CLTA: variants seen among roughly 807,000 people sequenced by gnomAD.
CLTA encodes clathrin light chain A, also known as clathrin, light polypeptide (Lca).
Under a neutral mutation model 26.9 loss-of-function variants are expected in CLTA, and 9 were observed. That is an observed-to-expected ratio of 0.33 (90% CI 0.20 to 0.58). CLTA has a LOEUF of 0.58. CLTA is among the 20% of genes least tolerant of loss of function. The probability of loss-of-function intolerance (pLI) is 0.85; values close to 1 mark genes in which losing one functional copy is unlikely to be tolerated. For synonymous variants in CLTA, 120 were observed against 115.5 expected (o/e 1.04, Z -0.25); for missense variants, 278 against 294.2 (o/e 0.94, Z 0.40).
At chr9:36,196,322 C>CT (rs917289732) in intron 1 of CLTA, among the ~76,000 whole-genome samples, 5 of 149,610 alleles carry the variant, frequency 3.3e-5, no homozygotes, top group African/African-American at 9.9e-5. Context: ...CCAGCAATTC[C>CT]TTTTTTTTCT....
rs1227497767 is a variant in CLTA, at chr9:36,199,115, G to A, written c.373+19G>A. The A allele has an allele frequency of 4.0e-6, 6 of 1,517,472 alleles. No individual in the cohort carries two copies. The highest frequency in any genetic ancestry group is 2.7e-5 in the African/African-American group (2 of 72,948). The allele number at this position is 1,517,472 out of a possible 1,614,324, so 94.0% of individuals were successfully genotyped here. A position where few individuals can be genotyped will look rare whatever the true frequency, so the allele number is the denominator to read the frequency against. ...GCCCTTGGTAAGGAATCCCTTCTGT[G>A]TTTTGGTGTCTGTTTTCAGTGGAGT... On this transcript the variant is annotated intron_variant, in intron 3 of 4. Transcript: ENST00000345519.
chr9:36,192,123 T>C (rs1260585151), intron 1 of CLTA, among the ~76,000 whole-genome samples: 1 of 152,064 alleles, frequency 6.6e-6, no homozygotes, highest in Non-Finnish European at 1.5e-5. Flanking sequence ...TACAAAGAAG[T>C]AGGAAATTTA....
rs1554650954 is a variant in CLTA at position 36,196,287 on chromosome 9, A to AAAAAAAT, written c.218-1260_218-1259insAATAAAA. 4.0e-5 allele frequency among the ~76,000 whole-genome samples: 6 copies of AAAAAAAT among 149,618 alleles called. No homozygotes were observed. In the South Asian group the frequency reaches 1.3e-3, roughly 31 times the overall value. ...AACAGAGCAAGACTCTCTCTCAAAA[A>AAAAAAAT]AAAATAAAATACATATCCTGTGATC... On this transcript the variant is annotated intron_variant, in intron 1 of 4. Transcript: ENST00000345519.
At chr9:36,211,463 G>C in intron 4 of CLTA, 140 bp from the exon 5 acceptor site, 6 of 1,145,794 alleles carry the variant, frequency 5.2e-6, no homozygotes, top group Non-Finnish European at 7.4e-6. Flanking sequence ...AGTCTGACCT[G>C]GGCCAGGGGC....
chr9:36,190,968 G>C lies in CLTA; in HGVS notation c.-89G>C. ...GGCGCTTGTCCTCCTCTCCCAGTCGGCACCACAGCGGTGGCTGCCGGGCGT... is the reference window on the plus strand; with the variant it reads ...GGCGCTTGTCCTCCTCTCCCAGTCGCCACCACAGCGGTGGCTGCCGGGCGT... On this transcript the variant is annotated 5_prime_UTR_variant, in exon 1 of 5. Transcript: ENST00000345519. 1 of 1,452,160 alleles carries C rather than the reference G, an allele frequency of 6.9e-7. No individual in the cohort carries two copies. The highest frequency in any genetic ancestry group is 9.0e-7 in the Non-Finnish European group (1 of 1,112,214). The allele number at this position is 1,452,160 out of a possible 1,614,324, so 90.0% of individuals were successfully genotyped here.
chr9:36,200,278 C>T (rs567141564), intron 3 of CLTA, among the ~76,000 whole-genome samples: 1 of 152,220 alleles, frequency 6.6e-6, no homozygotes, highest in East Asian at 1.9e-4. Flanking sequence ...TAAACATGTG[C>T]ACCCCCAGAT....
chr9:36,200,955 T>C (rs1417830841), intron 3 of CLTA, among the ~76,000 whole-genome samples: 1 of 152,228 alleles, frequency 6.6e-6, no homozygotes, highest in East Asian at 1.9e-4. Context: ...AGGCAAGATT[T>C]AGCTGGTCTT....
chr9:36,204,093 A>G lies in CLTA; in HGVS notation c.399A>G (p.Ala133=). The G allele has an allele frequency of 6.2e-7, 1 of 1,614,170 alleles. No homozygotes were observed. The highest frequency in any genetic ancestry group is 8.5e-7 in the Non-Finnish European group (1 of 1,179,996). The change falls in exon 4 of 5, where the codon GCA becomes GCG. Residue 133 remains alanine, a synonymous_variant. Coordinates refer to ENST00000345519, the MANE Select transcript of CLTA (RefSeq NM_001833.4). ...ALDANSRKQE[A]EWKEKAIKEL... is the part of the protein sequence containing the mutation. ...ATGCCAATTCTCGGAAGCAAGAAGC[A>G]GAGTGGAAAGAAAAGGCAATAAAGG... is the stretch of plus-strand genomic sequence containing the variant.
At chr9:36,205,908 C>T (rs1314542576) in intron 4 of CLTA, among the ~76,000 whole-genome samples, 7 of 151,784 alleles carry the variant, frequency 4.6e-5, no homozygotes, top group Non-Finnish European at 8.8e-5. Flanking sequence ...TACAGGTGCC[C>T]GCCACCATGC....
intron 1 of CLTA, among the ~76,000 whole-genome samples, chr9:36,194,272 C>G (rs71531218): frequency 0.12 from 18,439 of 152,186 alleles, 1,230 homozygotes; most frequent in Non-Finnish European, 0.15. Flanking sequence ...GGTGAGCCAC[C>G]CGCCTTGGCC....
intron 4 of CLTA, among the ~76,000 whole-genome samples, chr9:36,208,325 C>T (rs1318160850): frequency 2.0e-5 from 3 of 152,160 alleles, no homozygotes; most frequent in Non-Finnish European, 4.4e-5. Flanking sequence ...CCCAGTCTGC[C>T]CCCTCCTTCC....
chr9:36,193,687 T>A (rs1826867477), intron 1 of CLTA, among the ~76,000 whole-genome samples: 1 of 152,192 alleles, frequency 6.6e-6, no homozygotes, highest in Admixed American at 6.5e-5. Context: ...CAGTCAGCTA[T>A]GACAGATTGA....
intron 4 of CLTA, among the ~76,000 whole-genome samples, chr9:36,208,894 T>C (rs1455378308): frequency 6.6e-6 from 1 of 152,192 alleles, no homozygotes; most frequent in Non-Finnish European, 1.5e-5. Context: ...ACCTCATCTG[T>C]ACAGTGGGGG....
At chr9:36,194,385 G>A (rs1333622876) in intron 1 of CLTA, among the ~76,000 whole-genome samples, 1 of 152,214 alleles carries the variant, frequency 6.6e-6, no homozygotes, top group Non-Finnish European at 1.5e-5. Context: ...GAAGCTTTCT[G>A]GAGAAGTAAT....
chr9:36,196,105 C>T (rs959689523), intron 1 of CLTA, among the ~76,000 whole-genome samples: 24 of 151,870 alleles, frequency 1.6e-4, no homozygotes, highest in African/African-American at 5.6e-4. Context: ...GTGAAACCCC[C>T]GTCTCTACTA....
In CLTA at chr9:36,197,645, G is replaced by T. The variant is rs1278438457; in HGVS notation, c.255+57G>T. On this transcript the variant is annotated intron_variant, in intron 2 of 4. Coordinates refer to ENST00000345519, the MANE Select transcript of CLTA (RefSeq NM_001833.4). ...GTGATTGAGAATCTTCCTTTCCTGT[G>T]ATTTTAATTGACTGACCTAGAAAGA... 16 of 1,346,320 alleles carry T rather than the reference G, an allele frequency of 1.2e-5. No individual in the cohort carries two copies. The East Asian group carries it at 1.7e-4, about 14-fold the overall frequency. 83.4% of individuals were successfully genotyped at this position (1,346,320 alleles called of 1,614,324 possible).
In CLTA at chr9:36,195,988, T is replaced by C. The variant is rs1754426660; in HGVS notation, c.218-1563T>C. Among the ~76,000 whole-genome samples the C allele has an allele frequency of 2.0e-5, 3 of 150,118 alleles. No homozygotes were observed. The South Asian group carries it at 6.3e-4, about 32-fold the overall frequency. ...GTCTCAAAAAAAATAAAAAAATACATATCCTGGCTGGGCGCAGTGGCTCAT... is the reference window on the plus strand; with the variant it reads ...GTCTCAAAAAAAATAAAAAAATACACATCCTGGCTGGGCGCAGTGGCTCAT... On this transcript the variant is annotated intron_variant, in intron 1 of 4. Transcript: ENST00000345519.
At chr9:36,206,852 G>A (rs1235649588) in intron 4 of CLTA, among the ~76,000 whole-genome samples, 6 of 151,982 alleles carry the variant, frequency 3.9e-5, no homozygotes, top group Admixed American at 6.6e-5. Context: ...CTGAGATTGC[G>A]CCACTGCACT....
rs995608996 is a variant in CLTA at position 36,210,513 on chromosome 9, A to G, written c.486-1090A>G. On this transcript the variant is annotated intron_variant, in intron 4 of 4. Coordinates refer to ENST00000345519, the MANE Select transcript of CLTA (RefSeq NM_001833.4). ...GCCAGCTGCACGTCCCCAAGCACAG[A>G]TAGAGTGGCAAGGGCATGTCCAGCT... 9 of 1,560,408 alleles carry G rather than the reference A, an allele frequency of 5.8e-6. No individual in the cohort carries two copies. In the African/African-American group the frequency reaches 8.1e-5, roughly 14 times the overall value.
Sources: gnomAD v4.1 joint callset for allele counts (sites outside exome capture counted in the v4.1 genomes callset) on GRCh38, gnomAD v4.1.1 for gene constraint, MANE v1.5 for transcripts, NCBI Gene and HGNC (gene_info 2026-07-23, HGNC 2026-07-21) for gene names.